Variants in NUBP2 observed in about 807,000 individuals in gnomAD.
NUBP2 encodes the protein cytosolic Fe-S cluster assembly factor NUBP2.
A neutral mutation model predicts 24.9 loss-of-function variants in NUBP2; 23 were observed. The observed-to-expected ratio is 0.92, with a 90% CI of 0.66 to 1.31. The LOEUF is 1.31. Among genes scored for constraint, NUBP2 ranks in the 50% most tolerant of loss-of-function variants. NUBP2 has a pLI of 0.00. For synonymous variants in NUBP2, 186 were observed against 170.9 expected, an observed-to-expected ratio of 1.09 and a Z score of -0.69; for missense variants, 403 against 386.5, an observed-to-expected ratio of 1.04 and a Z score of -0.36.
rs764090020 is a variant in NUBP2 at position 1,788,762 on chromosome 16, C to T, written c.*48C>T. On this transcript the variant is annotated 3_prime_UTR_variant, in exon 7 of 7. Coordinates refer to ENST00000262302, the MANE Select transcript of NUBP2 (RefSeq NM_012225.4). The stretch of plus-strand genomic sequence containing the variant: ...TTCCAGGGCCACCAAGGGCTCTGCT[C>T]CAGCCTCTCAGAGAAACAGAGGCCT... 9 of 1,567,268 alleles carry T rather than the reference C, an allele frequency of 5.7e-6. No homozygotes were observed. The highest frequency in any genetic ancestry group is 4.1e-5 in the African/African-American group (3 of 73,426).
At chr16:1,787,494 C>T (rs949638079) in intron 3 of NUBP2, 183 bp from the exon 4 acceptor site, 214 of 776,574 alleles carry the variant, frequency 2.8e-4, no homozygotes, top group Admixed American at 2.0e-3. Flanking sequence ...GTAATGGCCC[C>T]GGCCCCATCT....
rs780588003 is a variant in NUBP2 at position 1,787,968 on chromosome 16, G to T, written c.517G>T (p.Glu173Ter). 1 of 1,604,722 alleles carries T rather than the reference G, an allele frequency of 6.2e-7. No individual in the cohort carries two copies. Among genetic ancestry groups the T allele is most frequent in the Non-Finnish European group, 8.5e-7 (1 of 1,177,398 alleles). The change falls in exon 5 of 7, where the codon GAG becomes TAG. Residue 173 changes from glutamate (E) to a stop codon, truncating the protein, a stop_gained. Transcript: ENST00000262302. LOFTEE classifies it high-confidence loss of function. ...QAVSVGDVRR[E>*]LTFCRKTGLR... ...GGTGTCCGTGGGGGACGTGAGGCGCGAGCTGACCTTCTGTAGGAAGACGGG... is the reference window on the plus strand; with the variant it reads ...GGTGTCCGTGGGGGACGTGAGGCGCTAGCTGACCTTCTGTAGGAAGACGGG...
intron 1 of NUBP2, 108 bp downstream of exon 1, chr16:1,783,144 C>T: frequency 1.7e-6 from 2 of 1,200,908 alleles, no homozygotes; most frequent in Non-Finnish European, 2.1e-6. Context: ...GTGCGACCAT[C>T]ACCGGCCGGC....
At position 1,787,717 on chromosome 16, in the gene NUBP2, G is replaced by A. The variant is rs776411305; in HGVS notation, c.375G>A (p.Glu125=). 1 of 1,612,626 alleles carries A rather than the reference G, an allele frequency of 6.2e-7. No homozygotes were observed. The highest frequency in any genetic ancestry group is 8.5e-7 in the Non-Finnish European group (1 of 1,179,930). ...KQFVSDVAWG[E]LDYLVVDTPP... ...TTGTGTCCGACGTGGCCTGGGGGGA[G>A]CTGGACTACCTGGTGGTGGACACGC... Residue 125 remains glutamate (E), a synonymous_variant, in exon 4 of 7, where the codon GAG becomes GAA. Coordinates refer to ENST00000262302, the MANE Select transcript of NUBP2 (RefSeq NM_012225.4).
Position 1,787,990 on chromosome 16 carries a change from C to T in NUBP2, c.539C>T (p.Thr180Met), listed in dbSNP as rs111886912. 10,013 of 1,605,170 alleles carry T rather than the reference C, an allele frequency of 6.2e-3. 52 individuals are homozygous for T. Among genetic ancestry groups the T allele is most frequent in the Middle Eastern group, 0.02 (121 of 5,982 alleles). Reference protein sequence around the residue: ...VRRELTFCRKTGLRVMGIVEN... With the variant: ...VRRELTFCRKMGLRVMGIVEN... ...CGCGAGCTGACCTTCTGTAGGAAGA[C>T]GGGCTTGCGGGTGATGGGAATCGTG... Residue 180 changes from threonine to methionine, a missense_variant, in exon 5 of 7, where the codon ACG (threonine) becomes ATG (methionine). Thr to Met is a moderately conservative substitution (Grantham distance 81). Coordinates refer to ENST00000262302, the MANE Select transcript of NUBP2 (RefSeq NM_012225.4).
At chr16:1,785,847 C>A in intron 1 of NUBP2, 1 of 1,289,016 alleles carries the variant, frequency 7.8e-7, no homozygotes, top group Non-Finnish European at 1.0e-6. Context: ...AAGGACCTGT[C>A]GGGGATGGAG....
At chr16:1,785,847 C>CG (rs1567234868) in intron 1 of NUBP2, 2 of 1,288,898 alleles carry the variant, frequency 1.6e-6, no homozygotes. Context: ...AAGGACCTGT[C>CG]GGGGATGGAG....
chr16:1,784,279 G>A (rs1049749203), intron 1 of NUBP2, among the ~76,000 whole-genome samples: 1 of 151,978 alleles, frequency 6.6e-6, no homozygotes, highest in Admixed American at 6.6e-5. Context: ...TAGACATGGG[G>A]TCTGAATACG....
chr16:1,789,014 C>T lies in NUBP2; in HGVS notation c.*300C>T, dbSNP rs45609132. On this transcript the variant is annotated 3_prime_UTR_variant, in exon 7 of 7. Coordinates refer to ENST00000262302, the MANE Select transcript of NUBP2 (RefSeq NM_012225.4). ...GGCAGCCGCGTGTCCACACAGTTAGCGGAGCGCGGGACTTCTGCAGTCCTC... is the reference window on the plus strand; with the variant it reads ...GGCAGCCGCGTGTCCACACAGTTAGTGGAGCGCGGGACTTCTGCAGTCCTC... 8.6e-3 allele frequency: 3,482 copies of T among 402,662 alleles called. 27 individuals are homozygous for T. Among genetic ancestry groups the T allele is most frequent in the Middle Eastern group, 0.017 (26 of 1,540 alleles). The allele number at this position is 402,662 out of a possible 1,614,324, so 24.9% of individuals were successfully genotyped here.
intron 1 of NUBP2, chr16:1,785,542 C>G: frequency 1.6e-6 from 2 of 1,214,850 alleles, no homozygotes; most frequent in South Asian, 1.5e-5. Flanking sequence ...CGGGCCACTT[C>G]TGGTACCTCT....
At chr16:1,784,885 AAAT>A (rs1896890337) in intron 1 of NUBP2, 1 of 157,330 alleles carries the variant, frequency 6.4e-6, no homozygotes, top group Admixed American at 6.6e-5. Flanking sequence ...AAAAAATAAA[AAAT>A]TAGCTGGGCA....
At chr16:1,784,052 C>A in intron 1 of NUBP2, 6 of 981,604 alleles carry the variant, frequency 6.1e-6, no homozygotes, top group Non-Finnish European at 7.2e-6. Context: ...ATTATCAGGA[C>A]GGATTTACTA....
chr16:1,788,035 C>T lies in NUBP2; in HGVS notation c.584C>T (p.Thr195Ile), dbSNP rs763720154. 4 of 1,595,684 alleles carry T rather than the reference C, an allele frequency of 2.5e-6. No individual in the cohort carries two copies. Among genetic ancestry groups the T allele is most frequent in the East Asian group, 4.5e-5 (2 of 44,734 alleles). Residue 195 changes from threonine (T) to isoleucine (I), a missense_variant, in exon 5 of 7, where the codon ACC becomes ATC. Transcript: ENST00000262302. ...ATCGTGGAGAATATGAGCGGCTTCACCTGCCCACACTGCACGGTGAGTCCC... is the reference window on the plus strand; with the variant it reads ...ATCGTGGAGAATATGAGCGGCTTCATCTGCCCACACTGCACGGTGAGTCCC... ...MGIVENMSGF[T>I]CPHCTECTSV...
chr16:1,788,573 C>T lies in NUBP2; in HGVS notation c.675C>T (p.Ser225=), dbSNP rs151234815. 5.9e-5 allele frequency: 95 copies of T among 1,603,580 alleles called. No homozygotes were observed. The African/African-American group carries it at 1.0e-3, about 17-fold the overall frequency. Residue 225 remains serine, a synonymous_variant, in exon 7 of 7, where the codon TCC becomes TCT. Transcript: ENST00000262302. ...CGCCTCCACTGTGCCCTGCAGGCTC[C>T]GTGCCCCTGGACCCTGCGCTCATGA... is the stretch of plus-strand genomic sequence containing the variant. ...AQLAGVPFLG[S]VPLDPALMRT...
At chr16:1,788,304 AG>A (rs1472119623) in intron 6 of NUBP2, 97 bp downstream of exon 6, 2 of 1,232,342 alleles carry the variant, frequency 1.6e-6, no homozygotes, top group Non-Finnish European at 2.2e-6. Context: ...AAGGGAGAGG[AG>A]GGGACGGGAG....
intron 3 of NUBP2, chr16:1,787,468 T>C (rs1897030245): frequency 4.5e-6 from 3 of 661,544 alleles, no homozygotes; most frequent in Non-Finnish European, 7.7e-6. Flanking sequence ...GGCCAGACAC[T>C]GCAGAAAGGG....
rs886068769 is a variant in NUBP2, at chr16:1,783,007, CTGGAGGCGGCGGGA to C, written c.-1_13del. The C allele has an allele frequency of 1.1e-5, 15 of 1,395,064 alleles. No homozygotes were observed. The highest frequency in any genetic ancestry group is 1.8e-4 in the Middle Eastern group (1 of 5,478). 86.4% of individuals were successfully genotyped at this position (1,395,064 alleles called of 1,614,324 possible). ...GTAAGCGGACTGCAGCCGCGAGCTC[CTGGAGGCGGCGGGA>C]TGGAGGCGGCGGCCGGTGAGTGGCG... On this transcript the variant is annotated start_lost and 5_prime_UTR_variant, in exon 1 of 7. Coordinates refer to ENST00000262302, the MANE Select transcript of NUBP2 (RefSeq NM_012225.4).
At chr16:1,783,240 C>T (rs1298904888) in intron 1 of NUBP2, 3 of 1,163,404 alleles carry the variant, frequency 2.6e-6, no homozygotes, top group East Asian at 4.0e-5. Flanking sequence ...TGTGGAAGCT[C>T]CGTGATCTCG....
chr16:1,783,083 G>A (rs1453466259), intron 1 of NUBP2, 47 bp downstream of exon 1: 1 of 1,234,076 alleles, frequency 8.1e-7, no homozygotes, highest in Non-Finnish European at 1.0e-6. Context: ...CCTCGCTTGG[G>A]GCCCCGCCGC....
Sources: gnomAD v4.1 joint callset for allele counts (sites outside exome capture counted in the v4.1 genomes callset) on GRCh38, gnomAD v4.1.1 for gene constraint, MANE v1.5 for transcripts, NCBI Gene and HGNC (gene_info 2026-07-23, HGNC 2026-07-21) for gene names.